Variants in SGCZ observed in about 807,000 individuals in gnomAD.
SGCZ encodes the protein sarcoglycan zeta.
Under a neutral mutation model 41.3 loss-of-function variants are expected in SGCZ, and 40 were observed. That is an observed-to-expected ratio of 0.97 (90% CI 0.75 to 1.26). The LOEUF (loss-of-function observed/expected upper bound fraction) is 1.26, where lower values mean the gene tolerates loss of function less well. SGCZ is among the 50% of genes most tolerant of loss of function. The pLI is 0.00. For synonymous variants in SGCZ, 206 were observed against 137.5 expected, an observed-to-expected ratio of 1.50 and a Z score of -3.49; for missense variants, 552 against 369.8, an observed-to-expected ratio of 1.49 and a Z score of -4.04.
chr8:14,374,137 G>A (rs1804016642), intron 2 of SGCZ, among the ~76,000 whole-genome samples: 1 of 152,160 alleles, frequency 6.6e-6, no homozygotes, highest in South Asian at 2.1e-4. Context: ...CGGCACTTTG[G>A]AAGGCCGAGG....
At chr8:14,278,453 G>C (rs1455943304) in intron 3 of SGCZ, among the ~76,000 whole-genome samples, 1 of 152,088 alleles carries the variant, frequency 6.6e-6, no homozygotes, top group Non-Finnish European at 1.5e-5. Flanking sequence ...CAAGCAAAGT[G>C]ACCTCAATGG....
At chr8:14,404,199 T>C (rs886217846) in intron 2 of SGCZ, among the ~76,000 whole-genome samples, 2 of 152,238 alleles carry the variant, frequency 1.3e-5, no homozygotes, top group Non-Finnish European at 1.5e-5. Flanking sequence ...ATTGTATCTA[T>C]ATACATTTGT....
At chr8:15,109,315 C>T (rs1161124870) in intron 1 of SGCZ, among the ~76,000 whole-genome samples, 2 of 152,040 alleles carry the variant, frequency 1.3e-5, no homozygotes, top group African/African-American at 2.4e-5. Flanking sequence ...AAGCAACTTA[C>T]AAATCAACTA....
intron 1 of SGCZ, among the ~76,000 whole-genome samples, chr8:15,228,607 A>G (rs778926334): frequency 1.3e-5 from 2 of 152,218 alleles, no homozygotes; most frequent in Non-Finnish European, 2.9e-5. Flanking sequence ...GACCAAAGTA[A>G]CAGACAACAG....
chr8:14,185,346 T>G (rs141714978), intron 4 of SGCZ, among the ~76,000 whole-genome samples: 1 of 152,000 alleles, frequency 6.6e-6, no homozygotes, highest in South Asian at 2.1e-4. Context: ...TAGGTTGCAG[T>G]GAGCCGAGAT....
chr8:14,330,749 A>T lies in SGCZ; in HGVS notation c.235-6545T>A, dbSNP rs1219080588. Among the ~76,000 whole-genome samples, 3 of 152,076 alleles carry T rather than the reference A, an allele frequency of 2.0e-5. No homozygotes were observed. The East Asian group carries it at 5.8e-4, about 29-fold the overall frequency. On this transcript the variant is annotated intron_variant, in intron 2 of 7. Transcript: ENST00000382080. ...TAAATAAATGTTTTCTACTCCAAAG[A>T]TTTAAGATACTGCTTACCAGAGAAA...
Position 14,093,852 on chromosome 8 carries a change from T to C in SGCZ, c.745-3215A>G, listed in dbSNP as rs571369085. 4.3e-4 allele frequency among the ~76,000 whole-genome samples: 66 copies of C among 152,270 alleles called. 1 individual carries two copies. Among genetic ancestry groups the C allele is most frequent in the African/African-American group, 1.4e-3 (60 of 41,572 alleles). On this transcript the variant is annotated intron_variant, in intron 7 of 7. Transcript: ENST00000382080. Reference sequence around the variant, plus strand: ...ATCTTTCTTCTCTCATTAACAGTTATACTTTTCTCTATAGTAAAAATCCAT... The same window carrying C: ...ATCTTTCTTCTCTCATTAACAGTTACACTTTTCTCTATAGTAAAAATCCAT...
intron 2 of SGCZ, among the ~76,000 whole-genome samples, chr8:14,368,419 C>T (rs1003540429): frequency 1.3e-5 from 2 of 151,970 alleles, no homozygotes; most frequent in African/African-American, 2.4e-5. Context: ...AAGGGTTTTA[C>T]GGCATCAGCA....
At chr8:14,854,023 A>T (rs1314952688) in intron 1 of SGCZ, among the ~76,000 whole-genome samples, 2 of 56,308 alleles carry the variant, frequency 3.6e-5, no homozygotes, top group Non-Finnish European at 5.8e-5. Context: ...TGATTATATT[A>T]TATATATATA....
At chr8:14,799,713 G>A (rs964298630) in intron 1 of SGCZ, among the ~76,000 whole-genome samples, 37 of 152,110 alleles carry the variant, frequency 2.4e-4, no homozygotes, top group African/African-American at 8.7e-4. Context: ...AATTTAAAAA[G>A]CGTAGAACCC....
intron 2 of SGCZ, among the ~76,000 whole-genome samples, chr8:14,359,139 T>A (rs1803410979): frequency 6.6e-6 from 1 of 152,040 alleles, no homozygotes; most frequent in African/African-American, 2.4e-5. Context: ...ACAAGAAGAC[T>A]ATAGAACAGA....
At chr8:14,819,875 TAAAGAG>T (rs1257107152) in intron 1 of SGCZ, among the ~76,000 whole-genome samples, 1 of 151,648 alleles carries the variant, frequency 6.6e-6, no homozygotes, top group Non-Finnish European at 1.5e-5. Context: ...ACACAAATAA[TAAAGAG>T]AAAGGAAACA....
chr8:14,436,185 A>G (rs918866600), intron 2 of SGCZ, among the ~76,000 whole-genome samples: 2 of 152,150 alleles, frequency 1.3e-5, no homozygotes, highest in African/African-American at 4.8e-5. Context: ...CAGTGTTCCT[A>G]TTGGCCAAAT....
intron 7 of SGCZ, 105 bp from the exon 8 acceptor site, chr8:14,090,742 C>T: frequency 1.0e-6 from 1 of 987,134 alleles, no homozygotes; most frequent in Non-Finnish European, 1.5e-6. Flanking sequence ...ACACAACAAA[C>T]AATTCCATGG....
At chr8:14,429,971 A>G (rs1276657885) in intron 2 of SGCZ, among the ~76,000 whole-genome samples, 2 of 151,984 alleles carry the variant, frequency 1.3e-5, no homozygotes, top group East Asian at 3.9e-4. Flanking sequence ...GTCTTGAACG[A>G]TTTTTTGTAT....
chr8:14,245,996 G>A (rs1054445179), intron 3 of SGCZ, among the ~76,000 whole-genome samples: 8 of 152,174 alleles, frequency 5.3e-5, no homozygotes, highest in Admixed American at 5.2e-4. Context: ...TACACTGTTG[G>A]TGGGACTGTA....
intron 2 of SGCZ, among the ~76,000 whole-genome samples, chr8:14,529,035 CAT>C (rs1387294971): frequency 6.6e-6 from 1 of 151,954 alleles, no homozygotes; most frequent in Non-Finnish European, 1.5e-5. Flanking sequence ...TTCTCATCAA[CAT>C]ATTTCTCTCC....
intron 2 of SGCZ, among the ~76,000 whole-genome samples, chr8:14,390,971 T>A (rs574158494): frequency 6.6e-6 from 1 of 152,060 alleles, no homozygotes; most frequent in East Asian, 1.9e-4. Flanking sequence ...TGGGGGGATA[T>A]CCAATGAAAA....
chr8:14,108,058 A>G, intron 6 of SGCZ, 105 bp downstream of exon 6: 1 of 805,904 alleles, frequency 1.2e-6, no homozygotes, highest in Non-Finnish European at 1.8e-6. Flanking sequence ...TATTTTAAGT[A>G]TATTGGGAGA....
Sources: allele counts gnomAD v4.1 joint callset (sites outside exome capture counted in the v4.1 genomes callset), GRCh38; gene constraint gnomAD v4.1.1; transcripts MANE v1.5; gene names NCBI Gene and HGNC (gene_info 2026-07-23, HGNC 2026-07-21).